The following ZNF793 variants were observed in gnomAD, a reference collection of about 807,000 sequenced individuals.
The protein encoded by ZNF793 is zinc finger protein 793.
In ZNF793, 5 loss-of-function variants were observed where a neutral mutation model predicts 12.4. That is an observed-to-expected ratio of 0.40 (90% confidence interval 0.21 to 0.84). The LOEUF (loss-of-function observed/expected upper bound fraction) is 0.84, where lower values mean the gene tolerates loss of function less well. ZNF793 is among the 40% of genes least tolerant of loss of function. The pLI is 0.35. For synonymous variants in ZNF793, 162 were observed against 172.4 expected (o/e 0.94, Z 0.47); for missense variants, 456 against 495.0 (o/e 0.92, Z 0.75).
chr19:37,532,403 G>A lies in ZNF793; in HGVS notation c.63G>A (p.Glu21=), dbSNP rs373921849. ...KDVVVGFTQE[E]WHRLSPAQRA... ...TGGTTGTGGGCTTCACCCAAGAGGA[G>A]TGGCACCGGCTGAGTCCTGCTCAGA... The change falls in exon 6 of 8, where the codon GAG becomes GAA. Residue 21 remains glutamate, a synonymous_variant. Transcript: ENST00000627814. The A allele has an allele frequency of 6.2e-7, 1 of 1,614,166 alleles. No homozygotes were observed. The highest frequency in any genetic ancestry group is 8.5e-7 in the Non-Finnish European group (1 of 1,180,030).
intron 2 of ZNF793, among the ~76,000 whole-genome samples, chr19:37,517,711 C>T (rs939207154): frequency 6.6e-6 from 1 of 152,014 alleles, no homozygotes; most frequent in Admixed American, 6.6e-5. Flanking sequence ...GAGGAAATAA[C>T]CTTGCACAGT....
Position 37,537,041 on chromosome 19 carries a change from A to G in ZNF793, c.383A>G (p.Asp128Gly). 1 of 1,613,978 alleles carries G rather than the reference A, an allele frequency of 6.2e-7. No individual in the cohort carries two copies. Residue 128 changes from aspartate (D) to glycine (G), a missense_variant, in exon 8 of 8, where the codon GAT becomes GGT. By Grantham distance (94) the Asp-to-Gly change is moderately conservative. Transcript: ENST00000627814. ...KFGKISLLST[D>G]LFSSIQSPSN... ...GGGAAAATATCACTTCTGAGCACTG[A>G]TCTTTTTTCTTCAATCCAGAGCCCT...
intron 2 of ZNF793, among the ~76,000 whole-genome samples, chr19:37,516,384 C>G (rs769556214): frequency 3.5e-4 from 53 of 152,248 alleles, no homozygotes; most frequent in Non-Finnish European, 6.2e-4. Flanking sequence ...ATCTACCTGC[C>G]CCGGCCTCCC....
chr19:37,525,074 G>A (rs1050877112), intron 5 of ZNF793, among the ~76,000 whole-genome samples: 7 of 151,964 alleles, frequency 4.6e-5, no homozygotes, highest in African/African-American at 1.7e-4. Flanking sequence ...CATATATAAT[G>A]GAAGGAAATG....
chr19:37,523,077 A>G (rs538574598), intron 4 of ZNF793, among the ~76,000 whole-genome samples: 120 of 152,346 alleles, frequency 7.9e-4, no homozygotes, highest in Middle Eastern at 3.4e-3. Context: ...GCCAGATTGC[A>G]GTAGTGGGAT....
rs1268863972 is a variant in ZNF793 at position 37,536,880 on chromosome 19, C to T, written c.239-17C>T. On this transcript the variant is annotated splice_polypyrimidine_tract_variant and intron_variant, in intron 7 of 7. Transcript: ENST00000627814. Reference sequence around the variant, plus strand: ...AGTATGAAGTTTCATAAGGATGATTCACTGTACTTTCTCCAGAAGACATCT... The same window carrying T: ...AGTATGAAGTTTCATAAGGATGATTTACTGTACTTTCTCCAGAAGACATCT... 1.3e-6 allele frequency: 2 copies of T among 1,580,870 alleles called. No individual in the cohort carries two copies. The highest frequency in any genetic ancestry group is 1.7e-6 in the Non-Finnish European group (2 of 1,167,634).
Position 37,540,986 on chromosome 19 carries a change from A to T in ZNF793, c.*3107A>T, listed in dbSNP as rs900689436. The T allele has an allele frequency of 1.1e-4, 17 of 152,064 alleles. No individual in the cohort carries two copies. The highest frequency in any genetic ancestry group is 3.2e-3 in the Middle Eastern group (1 of 316). The allele number at this position is 152,064 out of a possible 1,614,324, so 9.4% of individuals were successfully genotyped here. ...ATATCTATAATAATTAAAAATTTTT[A>T]AAATGCCATGCTAGATACCAGAAGA... On this transcript the variant is annotated 3_prime_UTR_variant, in exon 8 of 8. Coordinates refer to ENST00000627814, the MANE Select transcript of ZNF793 (RefSeq NM_001013659.3).
intron 2 of ZNF793, among the ~76,000 whole-genome samples, chr19:37,510,115 C>G (rs2042281477): frequency 1.3e-5 from 2 of 152,206 alleles, no homozygotes; most frequent in South Asian, 4.1e-4. Flanking sequence ...AATCTCAGTG[C>G]TTTGGAAGGC....
At position 37,537,664 on chromosome 19, in the gene ZNF793, G is replaced by A; in HGVS notation, c.1006G>A (p.Glu336Lys). The A allele has an allele frequency of 1.9e-6, 3 of 1,613,712 alleles. No individual in the cohort carries two copies. The highest frequency in any genetic ancestry group is 2.5e-6 in the Non-Finnish European group (3 of 1,179,708). Residue 336 changes from glutamate to lysine, a missense_variant, in exon 8 of 8, where the codon GAA (glutamate) becomes AAA (lysine). Coordinates refer to ENST00000627814, the MANE Select transcript of ZNF793 (RefSeq NM_001013659.3). ...TGTACATCGAAAAATGCACACAGGA[G>A]AAAGACCGTATCGTTGCAGAGAATG... ...LNVHRKMHTG[E>K]RPYRCRECGK... is the part of the protein sequence containing the mutation.
At chr19:37,536,446 C>T (rs2042505426) in intron 7 of ZNF793, 3 of 404,110 alleles carry the variant, frequency 7.4e-6, no homozygotes, top group East Asian at 7.1e-5. Context: ...AACATTTAAC[C>T]TTCTTTCTTC....
intron 5 of ZNF793, 64 bp downstream of exon 5, chr19:37,523,518 G>T: frequency 2.7e-6 from 4 of 1,498,436 alleles, no homozygotes; most frequent in Non-Finnish European, 3.7e-6. Flanking sequence ...GGAAAAAAAG[G>T]GTGTGCATTG....
At position 37,518,966 on chromosome 19, in the gene ZNF793, A is replaced by G. The variant is rs2147072724; in HGVS notation, c.-275-1218A>G. On this transcript the variant is annotated intron_variant, in intron 2 of 7. Transcript: ENST00000627814. ...TTGAAGAGTGGTTTAATGAGTGTGC[A>G]CTCTAAAAATTCTGATAGGGCTGGG... 2.6e-5 allele frequency among the ~76,000 whole-genome samples: 4 copies of G among 151,984 alleles called. 1 individual carries two copies. Among genetic ancestry groups the G allele is most frequent in the Admixed American group, 2.6e-4 (4 of 15,252 alleles).
chr19:37,517,447 ACT>A (rs1169437088), intron 2 of ZNF793, among the ~76,000 whole-genome samples: 2 of 130,596 alleles, frequency 1.5e-5, no homozygotes, highest in Non-Finnish European at 3.1e-5. Flanking sequence ...CAAGAGAGAA[ACT>A]CTGTCTCAAA....
rs146582534 is a variant in ZNF793 at position 37,516,898 on chromosome 19, G to C, written c.-275-3286G>C. On this transcript the variant is annotated intron_variant, in intron 2 of 7. Transcript: ENST00000627814. ...TGGCCTCAAGCGATCTGCCCACCTC[G>C]GCCTCCCAAAATGCTGGGATTACAG... Among the ~76,000 whole-genome samples the C allele has an allele frequency of 1.3e-4, 20 of 151,730 alleles. 1 individual carries two copies. The highest frequency in any genetic ancestry group is 2.2e-4 in the Non-Finnish European group (15 of 67,882).
chr19:37,523,469 A>G lies in ZNF793; in HGVS notation c.15+15A>G. On this transcript the variant is annotated intron_variant, in intron 5 of 7. Coordinates refer to ENST00000627814, the MANE Select transcript of ZNF793 (RefSeq NM_001013659.3). Reference sequence around the variant, plus strand: ...TCGAATACCAGGTAAGTATCACATTAAGTAGCCCAGTTTTCCTTCCTGGGG... The same window carrying G: ...TCGAATACCAGGTAAGTATCACATTGAGTAGCCCAGTTTTCCTTCCTGGGG... The G allele has an allele frequency of 6.2e-7, 1 of 1,613,236 alleles. No individual in the cohort carries two copies. Among genetic ancestry groups the G allele is most frequent in the East Asian group, 2.2e-5 (1 of 44,874 alleles).
At chr19:37,532,561 AG>A in intron 6 of ZNF793, 79 bp downstream of exon 6, 1 of 1,469,920 alleles carries the variant, frequency 6.8e-7, no homozygotes, top group East Asian at 2.4e-5. Flanking sequence ...AAGCAACTGG[AG>A]TACTTTGGGA....
rs1193105587 is a variant in ZNF793, at chr19:37,520,212, A to T, written c.-247A>T. 2 of 152,350 alleles carry T rather than the reference A, an allele frequency of 1.3e-5. No individual in the cohort carries two copies. Among genetic ancestry groups the T allele is most frequent in the Non-Finnish European group, 2.9e-5 (2 of 68,214 alleles). The allele number at this position is 152,350 out of a possible 1,614,324, so 9.4% of individuals were successfully genotyped here. Reference sequence around the variant, plus strand: ...CTCTGGGTGCCCTGCAGACCTTTGGATCCTGCCACCTTGCTGGACGGGAGG... The same window carrying T: ...CTCTGGGTGCCCTGCAGACCTTTGGTTCCTGCCACCTTGCTGGACGGGAGG... On this transcript the variant is annotated 5_prime_UTR_variant, in exon 3 of 8. Coordinates refer to ENST00000627814, the MANE Select transcript of ZNF793 (RefSeq NM_001013659.3).
intron 2 of ZNF793, among the ~76,000 whole-genome samples, chr19:37,514,594 A>G (rs1364445240): frequency 1.3e-5 from 2 of 151,780 alleles, no homozygotes; most frequent in Non-Finnish European, 2.9e-5. Flanking sequence ...AGATAGATAG[A>G]TAGATAGATA....
At chr19:37,506,875 C>G (rs2042252973), upstream of ZNF793, 1 of 152,280 alleles carries the variant, frequency 6.6e-6, no homozygotes, top group Non-Finnish European at 1.5e-5. Flanking sequence ...GAATCCTGTT[C>G]ACTGGAAGGT....
Sources: allele counts gnomAD v4.1 joint callset (sites outside exome capture counted in the v4.1 genomes callset), GRCh38; gene constraint gnomAD v4.1.1; transcripts MANE v1.5; gene names NCBI Gene and HGNC (gene_info 2026-07-23, HGNC 2026-07-21).